Variants in CFAP299 observed in about 807,000 individuals in gnomAD.
CFAP299 encodes the protein cilia- and flagella-associated protein 299.
CFAP299 carries 21 observed loss-of-function variants against 27.0 expected under a neutral mutation model. The ratio of observed to expected loss-of-function variants is 0.78; its 90% CI spans 0.55 to 1.12. The LOEUF (loss-of-function observed/expected upper bound fraction) is 1.12, where lower values mean the gene tolerates loss of function less well. Among genes scored for constraint, CFAP299 ranks in the 50% most tolerant of loss-of-function variants. The pLI is 0.00. For missense variants in CFAP299, 310 were observed against 276.6 expected, an observed-to-expected ratio of 1.12 and a Z score of -0.86; for synonymous variants, 104 against 98.1, an observed-to-expected ratio of 1.06 and a Z score of -0.36.
chr4:80,491,569 A>G (rs748975855), intron 2 of CFAP299, among the ~76,000 whole-genome samples: 3 of 152,026 alleles, frequency 2.0e-5, no homozygotes, highest in Non-Finnish European at 4.4e-5. Flanking sequence ...GGAAACTTTC[A>G]CTTTCTGTTC....
intron 3 of CFAP299, among the ~76,000 whole-genome samples, chr4:80,820,198 T>C (rs1390706964): frequency 6.6e-6 from 1 of 152,192 alleles, no homozygotes; most frequent in African/African-American, 2.4e-5. Context: ...GATGATATTA[T>C]GATTAGTCAC....
chr4:80,624,141 G>C lies in CFAP299; in HGVS notation c.333+40958G>C, dbSNP rs529636467. ...TGACATCATCAAAAGGACAAAATAA[G>C]GGTGCCATTGACTGTTCCTAAAAAT... On this transcript the variant is annotated intron_variant, in intron 3 of 5. Coordinates refer to ENST00000358105, the MANE Select transcript of CFAP299 (RefSeq NM_152770.3). 4.6e-5 allele frequency among the ~76,000 whole-genome samples: 7 copies of C among 152,150 alleles called. No individual in the cohort carries two copies. The South Asian group carries it at 1.5e-3, about 32-fold the overall frequency.
At chr4:80,826,707 T>C (rs1039259602) in intron 3 of CFAP299, among the ~76,000 whole-genome samples, 49 of 151,806 alleles carry the variant, frequency 3.2e-4, no homozygotes, top group Non-Finnish European at 6.5e-4. Flanking sequence ...TAGCTAAATC[T>C]AATAGACATA....
At chr4:80,618,711 C>A (rs1363806972) in intron 3 of CFAP299, among the ~76,000 whole-genome samples, 1 of 152,018 alleles carries the variant, frequency 6.6e-6, no homozygotes, top group African/African-American at 2.4e-5. Context: ...ATTTCCATGA[C>A]TTTTATTGCT....
chr4:80,646,741 C>T (rs1323012522), intron 3 of CFAP299, among the ~76,000 whole-genome samples: 1 of 152,134 alleles, frequency 6.6e-6, no homozygotes, highest in East Asian at 1.9e-4. Flanking sequence ...TTTCTACCTT[C>T]CCTTATCTCC....
chr4:80,825,055 T>A (rs1468958893), intron 3 of CFAP299, among the ~76,000 whole-genome samples: 1 of 151,700 alleles, frequency 6.6e-6, no homozygotes, highest in East Asian at 1.9e-4. Flanking sequence ...AATGTATATA[T>A]CAACAAAGAG....
At chr4:80,832,742 TTACA>T (rs1362130278) in intron 3 of CFAP299, among the ~76,000 whole-genome samples, 5 of 152,158 alleles carry the variant, frequency 3.3e-5, no homozygotes, top group Non-Finnish European at 7.4e-5. Flanking sequence ...GGGTTTTCTA[TTACA>T]TACATATAAG....
intron 5 of CFAP299, among the ~76,000 whole-genome samples, chr4:80,946,581 G>T (rs1419511714): frequency 6.6e-6 from 1 of 152,180 alleles, no homozygotes; most frequent in East Asian, 1.9e-4. Flanking sequence ...CAGGTATTCT[G>T]AGACAGGGAG....
intron 3 of CFAP299, among the ~76,000 whole-genome samples, chr4:80,678,983 C>T (rs1273118563): frequency 2.6e-5 from 4 of 152,006 alleles, no homozygotes; most frequent in African/African-American, 9.7e-5. Flanking sequence ...TATGAATTTT[C>T]TCCCACATGT....
In CFAP299 at chr4:80,919,258, G is replaced by T. The variant is rs374415294; in HGVS notation, c.477-25552G>T. Reference sequence around the variant, plus strand: ...AAAGATTTCCAGATCCCACAATTCAGGTTATAATACAATGTATTATGTCAG... The same window carrying T: ...AAAGATTTCCAGATCCCACAATTCATGTTATAATACAATGTATTATGTCAG... On this transcript the variant is annotated intron_variant, in intron 4 of 5. Coordinates refer to ENST00000358105, the MANE Select transcript of CFAP299 (RefSeq NM_152770.3). Among the ~76,000 whole-genome samples the T allele has an allele frequency of 2.6e-5, 4 of 152,178 alleles. No individual in the cohort carries two copies. The East Asian group carries it at 7.7e-4, about 29-fold the overall frequency.
intron 2 of CFAP299, among the ~76,000 whole-genome samples, chr4:80,579,128 G>A (rs1319984325): frequency 1.3e-5 from 2 of 152,160 alleles, no homozygotes; most frequent in African/African-American, 4.8e-5. Flanking sequence ...TCAAGGCTGT[G>A]TTGGTATTCT....
At position 80,916,240 on chromosome 4, in the gene CFAP299, C is replaced by A. The variant is rs1457437374; in HGVS notation, c.477-28570C>A. On this transcript the variant is annotated intron_variant, in intron 4 of 5. Coordinates refer to ENST00000358105, the MANE Select transcript of CFAP299 (RefSeq NM_152770.3). ...TTGTACCATTGCACTCTGGTCTGGGCAACTAGACTGAAATATATATATATA... is the reference window on the plus strand; with the variant it reads ...TTGTACCATTGCACTCTGGTCTGGGAAACTAGACTGAAATATATATATATA... Among the ~76,000 whole-genome samples the A allele has an allele frequency of 1.2e-4, 12 of 104,120 alleles. No individual in the cohort carries two copies. The Admixed American group carries it at 1.4e-3, about 12-fold the overall frequency. 68.3% of individuals were successfully genotyped at this position (104,120 alleles called of 152,430 possible).
At chr4:80,715,951 A>T (rs1722454263) in intron 3 of CFAP299, among the ~76,000 whole-genome samples, 1 of 152,066 alleles carries the variant, frequency 6.6e-6, no homozygotes, top group South Asian at 2.1e-4. Flanking sequence ...TGGAAAAGCA[A>T]ACTTTCAGTG....
chr4:80,838,229 G>A (rs1205965133), intron 3 of CFAP299, among the ~76,000 whole-genome samples: 4 of 152,122 alleles, frequency 2.6e-5, no homozygotes, highest in African/African-American at 9.7e-5. Flanking sequence ...TCACTCTGAT[G>A]ATAGTTTCTT....
chr4:80,766,529 C>T (rs1172831440), intron 3 of CFAP299, among the ~76,000 whole-genome samples: 1 of 152,074 alleles, frequency 6.6e-6, no homozygotes, highest in Non-Finnish European at 1.5e-5. Flanking sequence ...TTTTATATAG[C>T]GTTCAGACAC....
At chr4:80,916,429 G>C (rs1038389185) in intron 4 of CFAP299, among the ~76,000 whole-genome samples, 4 of 151,418 alleles carry the variant, frequency 2.6e-5, no homozygotes, top group African/African-American at 9.7e-5. Context: ...CCTTTGTCTT[G>C]AAATGTAGAC....
intron 2 of CFAP299, among the ~76,000 whole-genome samples, chr4:80,538,101 G>A (rs1345455243): frequency 2.0e-5 from 3 of 152,004 alleles, no homozygotes; most frequent in Non-Finnish European, 4.4e-5. Flanking sequence ...TGACATCGTA[G>A]CTATTGTAAC....
chr4:80,944,733 C>A, intron 4 of CFAP299, 77 bp from the exon 5 acceptor site: 1 of 1,112,284 alleles, frequency 9.0e-7, no homozygotes, highest in Non-Finnish European at 1.3e-6. Context: ...CTGAACTTCC[C>A]CAAATAGTTC....
chr4:80,577,840 T>G (rs1735950044), intron 2 of CFAP299, among the ~76,000 whole-genome samples: 1 of 152,200 alleles, frequency 6.6e-6, no homozygotes, highest in Non-Finnish European at 1.5e-5. Context: ...AAAGTAACTC[T>G]TGAAAATAAG....
Sources: gnomAD v4.1 joint callset for allele counts (sites outside exome capture counted in the v4.1 genomes callset) on GRCh38, gnomAD v4.1.1 for gene constraint, MANE v1.5 for transcripts, NCBI Gene and HGNC (gene_info 2026-07-23, HGNC 2026-07-21) for gene names.